RNF217: variants seen among roughly 807,000 people sequenced by gnomAD.
The protein encoded by RNF217 is E3 ubiquitin-protein ligase RNF217.
A neutral mutation model predicts 57.8 loss-of-function variants in RNF217; 31 were observed. The observed-to-expected ratio is 0.54, with a 90% CI of 0.40 to 0.72. The LOEUF (loss-of-function observed/expected upper bound fraction) is 0.72, where lower values mean the gene tolerates loss of function less well. RNF217 is among the 30% of genes least tolerant of loss of function. RNF217 has a pLI of 0.00. For missense variants in RNF217, 696 were observed against 708.3 expected (o/e 0.98, Z 0.20); for synonymous variants, 313 against 294.0 (o/e 1.06, Z -0.66).
At chr6:125,056,052 A>G (rs1484254800) in intron 2 of RNF217, among the ~76,000 whole-genome samples, 5 of 152,268 alleles carry the variant, frequency 3.3e-5, no homozygotes, top group African/African-American at 4.8e-5. Context: ...AGAATTTTCA[A>G]AGTTCACCTT....
At chr6:125,048,265 C>G in intron 2 of RNF217, 1 of 1,343,112 alleles carries the variant, frequency 7.4e-7, no homozygotes, top group South Asian at 1.2e-5. Flanking sequence ...AACAGGTGAA[C>G]ATTTTTTATT....
chr6:125,022,040 C>A (rs530550171), intron 1 of RNF217, among the ~76,000 whole-genome samples: 16 of 152,196 alleles, frequency 1.1e-4, no homozygotes, highest in African/African-American at 3.6e-4. Context: ...CACCACCACA[C>A]CTGGCTAATT....
At chr6:124,966,245 A>G (rs184334297) in intron 1 of RNF217, among the ~76,000 whole-genome samples, 141 of 152,308 alleles carry the variant, frequency 9.3e-4, no homozygotes, top group Non-Finnish European at 3.2e-4. Flanking sequence ...TGTCAATTCT[A>G]TGGTCCCTCT....
chr6:124,980,590 G>T (rs1426679418), intron 1 of RNF217, among the ~76,000 whole-genome samples: 2 of 151,904 alleles, frequency 1.3e-5, no homozygotes, highest in Non-Finnish European at 2.9e-5. Flanking sequence ...TTCCCTTCTG[G>T]TGTAAGTTCC....
intron 1 of RNF217, among the ~76,000 whole-genome samples, chr6:124,972,512 A>C (rs1783800714): frequency 6.6e-6 from 1 of 152,196 alleles, no homozygotes; most frequent in South Asian, 2.1e-4. Context: ...TAAACTTTAT[A>C]ACGGTATCTC....
intron 4 of RNF217, among the ~76,000 whole-genome samples, chr6:125,077,690 G>A (rs994060638): frequency 6.6e-6 from 1 of 152,150 alleles, no homozygotes; most frequent in African/African-American, 2.4e-5. Flanking sequence ...AACCATGTGA[G>A]ATTTCTTCCC....
intron 3 of RNF217, among the ~76,000 whole-genome samples, chr6:125,063,317 A>G (rs1787811187): frequency 6.6e-6 from 1 of 152,196 alleles, no homozygotes; most frequent in African/African-American, 2.4e-5. Flanking sequence ...ACTGTCACAC[A>G]TACACTAAAT....
intron 1 of RNF217, among the ~76,000 whole-genome samples, chr6:124,973,336 TG>T (rs769201786): frequency 2.0e-4 from 31 of 152,190 alleles, no homozygotes; most frequent in South Asian, 6.2e-4. Flanking sequence ...TATCACCACC[TG>T]AGTTAGTCCT....
chr6:125,053,286 G>C (rs1390909534), intron 2 of RNF217, among the ~76,000 whole-genome samples: 1 of 152,044 alleles, frequency 6.6e-6, no homozygotes, highest in Admixed American at 6.6e-5. Context: ...TTAAGGACAA[G>C]TATTTTCATT....
intron 5 of RNF217, among the ~76,000 whole-genome samples, chr6:125,081,814 C>T (rs994989345): frequency 1.3e-5 from 2 of 151,886 alleles, no homozygotes; most frequent in Non-Finnish European, 2.9e-5. Context: ...TGGAATAGAA[C>T]CCAAATTTTC....
intron 1 of RNF217, among the ~76,000 whole-genome samples, chr6:125,028,314 G>A (rs1233063890): frequency 6.6e-6 from 1 of 151,900 alleles, no homozygotes; most frequent in Non-Finnish European, 1.5e-5. Context: ...GATAATTTGA[G>A]GACCCCAAGA....
intron 3 of RNF217, among the ~76,000 whole-genome samples, chr6:125,061,703 CTCTT>C (rs1332200538): frequency 6.6e-5 from 10 of 151,036 alleles, no homozygotes; most frequent in Admixed American, 4.0e-4. Context: ...ATATGTTATT[CTCTT>C]TCTTTGTGGT....
At chr6:125,057,167 T>C (rs1387172902) in intron 2 of RNF217, among the ~76,000 whole-genome samples, 1 of 152,216 alleles carries the variant, frequency 6.6e-6, no homozygotes, top group African/African-American at 2.4e-5. Context: ...TGTTTGTTAC[T>C]GTGTTTTTAT....
chr6:125,013,293 A>G (rs529939712), intron 1 of RNF217, among the ~76,000 whole-genome samples: 1 of 152,022 alleles, frequency 6.6e-6, no homozygotes, highest in Non-Finnish European at 1.5e-5. Context: ...CAAAGCTAAC[A>G]TAAGAGGAAG....
rs145633019 is a variant in RNF217, at chr6:125,015,530, A to G, written c.883-29681A>G. On this transcript the variant is annotated intron_variant, in intron 1 of 5. Coordinates refer to ENST00000521654, the MANE Select transcript of RNF217 (RefSeq NM_001286398.3). Reference sequence around the variant, plus strand: ...ATATGGAGGAACTTTAAGCTATTTTAGAAAAGAAAAGCGGTTATGATCTAA... The same window carrying G: ...ATATGGAGGAACTTTAAGCTATTTTGGAAAAGAAAAGCGGTTATGATCTAA... 2.8e-4 allele frequency among the ~76,000 whole-genome samples: 42 copies of G among 152,226 alleles called. 1 individual carries two copies. Among genetic ancestry groups the G allele is most frequent in the African/African-American group, 1.0e-3 (42 of 41,580 alleles).
intron 1 of RNF217, among the ~76,000 whole-genome samples, chr6:125,006,833 C>A (rs1158365059): frequency 3.3e-5 from 5 of 152,164 alleles, no homozygotes; most frequent in Non-Finnish European, 5.9e-5. Context: ...CCTGTAATCC[C>A]AACTACTCGG....
chr6:124,984,834 C>T (rs978205517), intron 1 of RNF217, among the ~76,000 whole-genome samples: 1 of 151,850 alleles, frequency 6.6e-6, no homozygotes, highest in African/African-American at 2.4e-5. Context: ...TCCCTCTAAG[C>T]AAAGAATTCC....
intron 1 of RNF217, among the ~76,000 whole-genome samples, chr6:124,965,842 T>C (rs1318540363): frequency 6.6e-6 from 1 of 152,182 alleles, no homozygotes; most frequent in Non-Finnish European, 1.5e-5. Context: ...ATTTTCTCCA[T>C]AGCACTAACA....
At chr6:125,055,142 A>G (rs1310218541) in intron 2 of RNF217, among the ~76,000 whole-genome samples, 2 of 152,190 alleles carry the variant, frequency 1.3e-5, no homozygotes, top group African/African-American at 2.4e-5. Context: ...TTTAATACCA[A>G]AGTTGTTGGA....
Sources: allele counts gnomAD v4.1 joint callset (sites outside exome capture counted in the v4.1 genomes callset), GRCh38; gene constraint gnomAD v4.1.1; transcripts MANE v1.5; gene names NCBI Gene and HGNC (gene_info 2026-07-23, HGNC 2026-07-21).